The following PCDHGA6 variants were observed in gnomAD, a reference collection of about 807,000 sequenced individuals.
PCDHGA6 encodes protocadherin gamma-A6.
In PCDHGA6, 41 loss-of-function variants were observed where a neutral mutation model predicts 60.6. The observed-to-expected ratio is 0.68, with a 90% CI of 0.53 to 0.88. The LOEUF (loss-of-function observed/expected upper bound fraction) is 0.88. PCDHGA6 is among the 40% of genes least tolerant of loss of function. PCDHGA6 has a pLI of 0.00. For missense variants in PCDHGA6, 1,312 were observed against 1,203.0 expected (o/e 1.09, Z -1.34); for synonymous variants, 594 against 524.4 (o/e 1.13, Z -1.81).
intron 1 of PCDHGA6, among the ~76,000 whole-genome samples, chr5:141,402,212 A>T (rs1282581389): frequency 6.6e-6 from 1 of 152,138 alleles, no homozygotes; most frequent in Non-Finnish European, 1.5e-5. Context: ...ACAAAAATTT[A>T]AAATAAACGT....
At chr5:141,390,612 T>C (rs2092191763) in intron 1 of PCDHGA6, 1 of 296,168 alleles carries the variant, frequency 3.4e-6, no homozygotes, top group Non-Finnish European at 6.3e-6. Context: ...ATTTTCCTTC[T>C]TGTTGACTAA....
In PCDHGA6 at chr5:141,376,522, G is replaced by C; in HGVS notation, c.2424+15G>C. The C allele has an allele frequency of 6.2e-7, 1 of 1,613,784 alleles. No individual in the cohort carries two copies. Among genetic ancestry groups the C allele is most frequent in the Non-Finnish European group, 8.5e-7 (1 of 1,179,822 alleles). ...GGCAACTTCAGGTGAGTTTCTTTCC[G>C]CCTAAGCGGGAAGAGTAATCTGATC... On this transcript the variant is annotated intron_variant, in intron 1 of 3. Transcript: ENST00000517434.
chr5:141,450,181 C>A (rs2098672863), intron 1 of PCDHGA6, among the ~76,000 whole-genome samples: 1 of 151,572 alleles, frequency 6.6e-6, no homozygotes, highest in African/African-American at 2.4e-5. Flanking sequence ...CCACACCCAG[C>A]TAATTTTTGT....
At chr5:141,433,646 A>G (rs2097639113) in intron 1 of PCDHGA6, among the ~76,000 whole-genome samples, 1 of 152,012 alleles carries the variant, frequency 6.6e-6, no homozygotes, top group Non-Finnish European at 1.5e-5. Flanking sequence ...GACCAGCCTG[A>G]CCAACATGGA....
intron 1 of PCDHGA6, among the ~76,000 whole-genome samples, chr5:141,473,871 T>A (rs2099330260): frequency 1.3e-5 from 2 of 152,190 alleles, no homozygotes; most frequent in Admixed American, 6.5e-5. Context: ...TTGTGGAGAA[T>A]GCATACACAA....
chr5:141,433,110 G>C (rs1031253372), intron 1 of PCDHGA6: 1 of 1,614,098 alleles, frequency 6.2e-7, no homozygotes, highest in Middle Eastern at 1.7e-4. Context: ...AGCCAGGAGA[G>C]CTTTGAAAAA....
chr5:141,384,651 C>T (rs138410124), intron 1 of PCDHGA6: 42,093 of 1,614,188 alleles, frequency 0.026, 638 homozygotes, highest in Non-Finnish European at 0.031. Context: ...CCGCAGAGCC[C>T]GGCTACCTGG....
chr5:141,401,189 A>G (rs2094126174), intron 1 of PCDHGA6, among the ~76,000 whole-genome samples: 1 of 152,144 alleles, frequency 6.6e-6, no homozygotes, highest in South Asian at 2.1e-4. Context: ...TAAAAATACA[A>G]AAATTAGCTG....
chr5:141,510,905 C>T lies in PCDHGA6; in HGVS notation c.2573-42C>T. 4 of 1,613,538 alleles carry T rather than the reference C, an allele frequency of 2.5e-6. No homozygotes were observed. In the South Asian group the frequency reaches 4.4e-5, roughly 18 times the overall value. ...GATATAAGACAGTGACTGTTGAGGA[C>T]CCTAAGTTTAGCTCCCACCTGATCT... On this transcript the variant is annotated intron_variant, in intron 3 of 3. Coordinates refer to ENST00000517434, the MANE Select transcript of PCDHGA6 (RefSeq NM_018919.3).
intron 1 of PCDHGA6, among the ~76,000 whole-genome samples, chr5:141,474,770 G>A (rs1221980722): frequency 6.6e-6 from 1 of 152,204 alleles, no homozygotes; most frequent in African/African-American, 2.4e-5. Context: ...GAAATAGTAT[G>A]AGGCTCTAAC....
At position 141,487,421 on chromosome 5, in the gene PCDHGA6, C is replaced by A. The variant is rs1365581881; in HGVS notation, c.2425-7386C>A. On this transcript the variant is annotated intron_variant, in intron 1 of 3. Coordinates refer to ENST00000517434, the MANE Select transcript of PCDHGA6 (RefSeq NM_018919.3). This position sits in a 1 kb window ranked among gnomAD's most constrained non-coding sequence, Gnocchi z 5.0. ...GGGGCTTCCCCCTTCCAATGGGATC[C>A]TCCGAATCCAGCTAGGGTCAGATGA... 2 of 1,614,026 alleles carry A rather than the reference C, an allele frequency of 1.2e-6. No individual in the cohort carries two copies. Among genetic ancestry groups the A allele is most frequent in the South Asian group, 1.1e-5 (1 of 91,086 alleles).
At position 141,477,576 on chromosome 5, in the gene PCDHGA6, C is replaced by A; in HGVS notation, c.2425-17231C>A. The A allele has an allele frequency of 6.2e-7, 1 of 1,614,162 alleles. No homozygotes were observed. The highest frequency in any genetic ancestry group is 8.5e-7 in the Non-Finnish European group (1 of 1,180,026). On this transcript the variant is annotated intron_variant, in intron 1 of 3. Transcript: ENST00000517434. The surrounding 1 kb of genome is among the most constrained non-coding windows in gnomAD (Gnocchi z 4.9). ...CTAAGTGTCTGGGACCCCGACGCCC[C>A]GCAGAATGCTCGGCTTTCTTTCTTT...
intron 1 of PCDHGA6, chr5:141,417,651 A>C: frequency 1.2e-6 from 1 of 822,038 alleles, no homozygotes; most frequent in African/African-American, 1.7e-5. Context: ...CTCAGCCTCT[A>C]GCCTGGGATT....
intron 1 of PCDHGA6, chr5:141,475,934 G>C (rs754356530): frequency 3.0e-6 from 2 of 665,118 alleles, no homozygotes; most frequent in Non-Finnish European, 5.0e-6. Context: ...TCGGGCCCCT[G>C]CCCGTCCCCT....
At chr5:141,398,387 G>T in intron 1 of PCDHGA6, 2 of 1,455,430 alleles carry the variant, frequency 1.4e-6, no homozygotes, top group Non-Finnish European at 1.9e-6. Context: ...TTGCTTGTGA[G>T]CAGCAGGCTA....
chr5:141,383,087 G>A, intron 1 of PCDHGA6: 2 of 1,613,912 alleles, frequency 1.2e-6, no homozygotes, highest in Non-Finnish European at 1.7e-6. Flanking sequence ...GCGGAGCGCG[G>A]AGTCCGCATC....
Position 141,489,779 on chromosome 5 carries a change from T to C in PCDHGA6, c.2425-5028T>C, listed in dbSNP as rs1269302289. 1.9e-6 allele frequency: 3 copies of C among 1,614,168 alleles called. No homozygotes were observed. Among genetic ancestry groups the C allele is most frequent in the Non-Finnish European group, 2.5e-6 (3 of 1,179,996 alleles). On this transcript the variant is annotated intron_variant, in intron 1 of 3. Coordinates refer to ENST00000517434, the MANE Select transcript of PCDHGA6 (RefSeq NM_018919.3). The surrounding 1 kb of genome is among the most constrained non-coding windows in gnomAD (Gnocchi z 4.5). ...CTAAGCCCCAACAGCCACTTCTCTC[T>C]GAATGTGAAGACCCTAAAAGATGGG...
chr5:141,501,945 T>G (rs1318749969), intron 2 of PCDHGA6, among the ~76,000 whole-genome samples: 5 of 152,106 alleles, frequency 3.3e-5, no homozygotes, highest in African/African-American at 1.2e-4. Context: ...CACTGCTCCC[T>G]GTGACAGGTC....
At position 141,465,539 on chromosome 5, in the gene PCDHGA6, T is replaced by C. The variant is rs2099105222; in HGVS notation, c.2425-29268T>C. On this transcript the variant is annotated intron_variant, in intron 1 of 3. Transcript: ENST00000517434. ...GATTCTGGGGAAGTTTTCCCAGGCA[T>C]TTTTTCTGCTGAAGCTTTGGTAACT... Among the ~76,000 whole-genome samples the C allele has an allele frequency of 2.0e-5, 3 of 152,178 alleles. No homozygotes were observed. In the South Asian group the frequency reaches 6.2e-4, roughly 32 times the overall value.
Sources: gnomAD v4.1 joint callset for allele counts (sites outside exome capture counted in the v4.1 genomes callset) on GRCh38, gnomAD v4.1.1 for gene constraint, Gnocchi (gnomAD v3.1) non-coding constraint, MANE v1.5 for transcripts, NCBI Gene and HGNC (gene_info 2026-07-23, HGNC 2026-07-21) for gene names.